The following RAB10 variants were observed in gnomAD, a reference collection of about 807,000 sequenced individuals.
The protein encoded by RAB10 is RAB10, member RAS oncogene family.
Under a neutral mutation model 25.7 loss-of-function variants are expected in RAB10, and 5 were observed. The ratio of observed to expected loss-of-function variants is 0.19; its 90% confidence interval spans 0.10 to 0.41. RAB10 has a LOEUF of 0.41. Among genes scored for constraint, RAB10 ranks in the 10% least tolerant of loss-of-function variants. RAB10 has a pLI of 1.00. For missense variants in RAB10, 103 were observed against 245.8 expected (o/e 0.42, Z 3.89); for synonymous variants, 89 against 86.4 (o/e 1.03, Z -0.16).
At chr2:26,061,624 C>A (rs1351488905) in intron 1 of RAB10, among the ~76,000 whole-genome samples, 1 of 152,100 alleles carries the variant, frequency 6.6e-6, no homozygotes, top group Non-Finnish European at 1.5e-5. Flanking sequence ...CTCCTACCTT[C>A]CATTAATCCT....
intron 1 of RAB10, among the ~76,000 whole-genome samples, chr2:26,088,333 C>G (rs1667029915): frequency 6.6e-6 from 1 of 152,142 alleles, no homozygotes; most frequent in Admixed American, 6.5e-5. Flanking sequence ...TTGAAATACT[C>G]TTGAGCTGGG....
At chr2:26,097,800 G>A (rs560538043) in intron 1 of RAB10, among the ~76,000 whole-genome samples, 1 of 152,250 alleles carries the variant, frequency 6.6e-6, no homozygotes, top group Admixed American at 6.5e-5. Context: ...TTGAGGGAAA[G>A]GATGTTGAAG....
At chr2:26,057,030 T>C (rs993111224) in intron 1 of RAB10, among the ~76,000 whole-genome samples, 1 of 152,226 alleles carries the variant, frequency 6.6e-6, no homozygotes, top group Non-Finnish European at 1.5e-5. Context: ...GCCACGTATT[T>C]CTGGTACTGC....
chr2:26,059,258 A>G (rs866116369), intron 1 of RAB10, among the ~76,000 whole-genome samples: 4 of 152,200 alleles, frequency 2.6e-5, no homozygotes, highest in Admixed American at 6.5e-5. Context: ...GATGCAGTAT[A>G]TTTTTGTTTT....
At chr2:26,069,658 T>C (rs1666582621) in intron 1 of RAB10, among the ~76,000 whole-genome samples, 1 of 151,252 alleles carries the variant, frequency 6.6e-6, no homozygotes, top group African/African-American at 2.4e-5. Context: ...AGAGCGAGAC[T>C]CTGCCCCCCT....
At chr2:26,056,345 C>T (rs1258227687) in intron 1 of RAB10, among the ~76,000 whole-genome samples, 1 of 152,038 alleles carries the variant, frequency 6.6e-6, no homozygotes, top group Non-Finnish European at 1.5e-5. Context: ...ACTACAGGTG[C>T]GTGCCATCAC....
intron 1 of RAB10, among the ~76,000 whole-genome samples, chr2:26,040,432 G>C (rs780741986): frequency 2.0e-5 from 3 of 152,104 alleles, no homozygotes; most frequent in Admixed American, 6.6e-5. Flanking sequence ...GGGAGGCTGA[G>C]TTGGGAAGTT....
intron 5 of RAB10, among the ~76,000 whole-genome samples, chr2:26,130,926 C>T (rs557691607): frequency 4.2e-4 from 64 of 152,066 alleles, no homozygotes; most frequent in African/African-American, 6.5e-4. Context: ...CCTAGTGAAA[C>T]GCTCTTGTCT....
At chr2:26,118,908 ATCTT>A (rs1207084014) in intron 3 of RAB10, among the ~76,000 whole-genome samples, 4 of 152,210 alleles carry the variant, frequency 2.6e-5, no homozygotes, top group Non-Finnish European at 4.4e-5. Context: ...GCAACTACCA[ATCTT>A]TCTTTGGGTG....
Position 26,136,185 on chromosome 2 carries a change from T to G in RAB10, c.*1164T>G, listed in dbSNP as rs1668109509. Reference sequence around the variant, plus strand: ...TATTCACTTTCCTAGAATAAATCTCTTAACCTAAATTTGAGTAGTCTGCAT... The same window carrying G: ...TATTCACTTTCCTAGAATAAATCTCGTAACCTAAATTTGAGTAGTCTGCAT... On this transcript the variant is annotated 3_prime_UTR_variant, in exon 6 of 6. Transcript: ENST00000264710. The G allele has an allele frequency of 6.6e-6, 1 of 152,666 alleles. No homozygotes were observed. The highest frequency in any genetic ancestry group is 2.4e-5 in the African/African-American group (1 of 41,472). The allele number at this position is 152,666 out of a possible 1,614,324, so 9.5% of individuals were successfully genotyped here. A position where few individuals can be genotyped will look rare whatever the true frequency, so the allele number is the denominator to read the frequency against.
intron 2 of RAB10, among the ~76,000 whole-genome samples, chr2:26,105,503 A>C: frequency 6.6e-6 from 1 of 151,960 alleles, no homozygotes; most frequent in African/African-American, 2.4e-5. Flanking sequence ...AAAAATATTA[A>C]AATTAGCTGG....
intron 3 of RAB10, among the ~76,000 whole-genome samples, chr2:26,117,457 G>GA (rs1245252279): frequency 2.6e-5 from 4 of 151,342 alleles, no homozygotes; most frequent in Non-Finnish European, 5.9e-5. Flanking sequence ...ACTAAAATAA[G>GA]AAAAAAAATT....
At chr2:26,033,855 T>C (rs1404065531), upstream of RAB10, among the ~76,000 whole-genome samples, 1 of 152,148 alleles carries the variant, frequency 6.6e-6, no homozygotes, top group Non-Finnish European at 1.5e-5. Flanking sequence ...CCCCGGGGCG[T>C]GCTCGTAACG....
chr2:26,065,138 G>A (rs1666488681), intron 1 of RAB10, among the ~76,000 whole-genome samples: 1 of 151,974 alleles, frequency 6.6e-6, no homozygotes, highest in Non-Finnish European at 1.5e-5. Context: ...TTTTCATTGT[G>A]CCCATAGTGA....
chr2:26,094,263 G>A (rs1406259248), intron 1 of RAB10, among the ~76,000 whole-genome samples: 1 of 149,424 alleles, frequency 6.7e-6, no homozygotes, highest in African/African-American at 2.5e-5. Flanking sequence ...TTCATTTTAT[G>A]TTTTTGAGAC....
At chr2:26,037,413 C>T (rs1219479880) in intron 1 of RAB10, among the ~76,000 whole-genome samples, 2 of 151,952 alleles carry the variant, frequency 1.3e-5, no homozygotes, top group Non-Finnish European at 1.5e-5. Flanking sequence ...CCGAGGCAGG[C>T]GGATCACCTG....
chr2:26,070,974 T>G (rs1666612719), intron 1 of RAB10, among the ~76,000 whole-genome samples: 1 of 152,212 alleles, frequency 6.6e-6, no homozygotes, highest in Admixed American at 6.5e-5. Flanking sequence ...AGCAATGGTA[T>G]GTAAAATTGC....
Position 26,114,909 on chromosome 2 carries a change from G to GA in RAB10, c.327+5011dup, listed in dbSNP as rs541723656. On this transcript the variant is annotated intron_variant, in intron 3 of 5. Transcript: ENST00000264710. Reference sequence around the variant, plus strand: ...AGAGTGAGACTCTGTCTCAAAAAAAGAAAAAAAACCAAAAAGGATCATGGA... The same window carrying GA: ...AGAGTGAGACTCTGTCTCAAAAAAAGAAAAAAAAACCAAAAAGGATCATGGA... Among the ~76,000 whole-genome samples the GA allele has an allele frequency of 2.2e-3, 326 of 150,804 alleles. 1 individual carries two copies. The highest frequency in any genetic ancestry group is 7.5e-3 in the African/African-American group (309 of 41,134).
intron 1 of RAB10, among the ~76,000 whole-genome samples, chr2:26,041,048 T>TTC (rs1287162847): frequency 6.6e-6 from 1 of 152,054 alleles, no homozygotes; most frequent in Non-Finnish European, 1.5e-5. Context: ...TTTTTTTTTT[T>TTC]TCTCATGTGT....
Sources: gnomAD v4.1 joint callset for allele counts (sites outside exome capture counted in the v4.1 genomes callset) on GRCh38, gnomAD v4.1.1 for gene constraint, MANE v1.5 for transcripts, NCBI Gene and HGNC (gene_info 2026-07-23, HGNC 2026-07-21) for gene names.